ZNF880: variants seen among roughly 807,000 people sequenced by gnomAD.
ZNF880 encodes the protein zinc finger protein 880.
ZNF880 carries 12 observed loss-of-function variants against 11.8 expected under a neutral mutation model. The ratio of observed to expected loss-of-function variants is 1.02; its 90% CI spans 0.65 to 1.65. The LOEUF (loss-of-function observed/expected upper bound fraction) is 1.65. ZNF880 is among the 40% of genes most tolerant of loss of function. The pLI is 0.00. For synonymous variants in ZNF880, 210 were observed against 232.4 expected (o/e 0.90, Z 0.88); for missense variants, 601 against 673.9 (o/e 0.89, Z 1.20).
At chr19:52,376,501 C>A (rs1158197854) in intron 3 of ZNF880, among the ~76,000 whole-genome samples, 3 of 26,704 alleles carry the variant, frequency 1.1e-4, no homozygotes, top group Non-Finnish European at 2.5e-4. Context: ...GCACCGCCCC[C>A]CCCCCCCCTT....
Position 52,372,442 on chromosome 19 carries a change from T to C in ZNF880, c.13-669T>C, listed in dbSNP as rs1345119899. ...AACTGGGACTACAGGCGCCCGCCAC[T>C]ACGCCTGGCTAATTTTTTTGTATTT... On this transcript the variant is annotated intron_variant, in intron 1 of 3. Transcript: ENST00000422689. Among the ~76,000 whole-genome samples the C allele has an allele frequency of 3.5e-4, 52 of 148,594 alleles. No homozygotes were observed. In the East Asian group the frequency reaches 9.9e-3, roughly 28 times the overall value.
downstream of ZNF880, among the ~76,000 whole-genome samples, chr19:52,387,638 G>A (rs1361236832): frequency 1.4e-5 from 2 of 141,180 alleles, no homozygotes; most frequent in South Asian, 2.2e-4. Flanking sequence ...TATTAGAGAC[G>A]GGGTTTCACC....
the ZNF880 span, chr19:52,392,749 A>C: frequency 4.4e-6 from 1 of 228,744 alleles, no homozygotes; most frequent in Non-Finnish European, 1.0e-5. Context: ...ATAGCAAAAA[A>C]ATCCAGATGG....
chr19:52,371,850 A>G (rs1478967725), intron 1 of ZNF880, among the ~76,000 whole-genome samples: 1 of 152,084 alleles, frequency 6.6e-6, no homozygotes, highest in African/African-American at 2.4e-5. Flanking sequence ...AGCCGTTAGT[A>G]CATGTACAAC....
chr19:52,378,207 G>C (rs568714937), intron 3 of ZNF880, among the ~76,000 whole-genome samples: 2 of 152,262 alleles, frequency 1.3e-5, no homozygotes, highest in East Asian at 3.9e-4. Flanking sequence ...AGCCAACGAA[G>C]AGACCAATGT....
intron 3 of ZNF880, 148 bp from the exon 4 acceptor site, chr19:52,383,701 T>C: frequency 1.2e-6 from 1 of 867,910 alleles, no homozygotes; most frequent in Non-Finnish European, 1.8e-6. Flanking sequence ...CCGTCCCTTT[T>C]GTTTTCTGCA....
downstream of ZNF880, chr19:52,389,445 C>CCAATCTT (rs112074107): frequency 6.6e-6 from 1 of 152,152 alleles, no homozygotes; most frequent in Non-Finnish European, 1.5e-5. Context: ...GCAGGGCAGT[C>CCAATCTT]AAAGCTCCAA....
chr19:52,374,064 TTTA>T (rs1375413688), intron 2 of ZNF880, among the ~76,000 whole-genome samples: 2 of 151,780 alleles, frequency 1.3e-5, no homozygotes, highest in African/African-American at 4.8e-5. Flanking sequence ...ATTCTTTCTT[TTTA>T]TTATTATTAT....
chr19:52,368,018 G>C (rs1036023198), upstream of ZNF880, among the ~76,000 whole-genome samples: 2 of 151,270 alleles, frequency 1.3e-5, no homozygotes, highest in Non-Finnish European at 2.9e-5. Context: ...GGTCAACATG[G>C]TGAAACCTTG....
intron 3 of ZNF880, among the ~76,000 whole-genome samples, chr19:52,376,650 C>T (rs1408591562): frequency 6.6e-6 from 1 of 151,656 alleles, no homozygotes; most frequent in Non-Finnish European, 1.5e-5. Flanking sequence ...GCTGGGATTA[C>T]AGGTACCCAC....
intron 3 of ZNF880, among the ~76,000 whole-genome samples, chr19:52,378,108 T>G (rs1986606042): frequency 6.6e-6 from 1 of 152,124 alleles, no homozygotes; most frequent in Non-Finnish European, 1.5e-5. Flanking sequence ...ATCAGCCCAG[T>G]CCAGGGAACC....
At chr19:52,393,734 GTC>G in the ZNF880 span, among the ~76,000 whole-genome samples, 69,635 of 151,280 alleles carry the variant, frequency 0.46, 16,240 homozygotes, top group Middle Eastern at 0.55. Flanking sequence ...TATGGTATAT[GTC>G]TCTATTTGCT....
chr19:52,373,602 C>T (rs1181340253), intron 2 of ZNF880, among the ~76,000 whole-genome samples: 1 of 150,440 alleles, frequency 6.6e-6, no homozygotes, highest in Non-Finnish European at 1.5e-5. Flanking sequence ...AGCTTGATGT[C>T]TGCATGTTAC....
upstream of ZNF880, chr19:52,369,804 G>A: frequency 5.2e-6 from 4 of 771,358 alleles, no homozygotes; most frequent in Non-Finnish European, 8.7e-6. Context: ...AGTTCTTCCA[G>A]TCTCCACGGC....
chr19:52,382,618 G>A (rs1402323176), intron 3 of ZNF880, among the ~76,000 whole-genome samples: 2 of 152,000 alleles, frequency 1.3e-5, no homozygotes, highest in African/African-American at 4.8e-5. Flanking sequence ...CTGCCTTCTA[G>A]CCTGCAAAGT....
At chr19:52,396,121 ATTTTTT>A in the ZNF880 span, among the ~76,000 whole-genome samples, 377 of 120,616 alleles carry the variant, frequency 3.1e-3, no homozygotes, top group Admixed American at 5.1e-3. Context: ...TGCCTGGCTA[ATTTTTT>A]TTTTTTTTTT....
In ZNF880 at chr19:52,384,183, C is replaced by A. The variant is rs1986786496; in HGVS notation, c.603C>A (p.Asn201Lys). 6.2e-7 allele frequency: 1 copy of A among 1,610,588 alleles called. No individual in the cohort carries two copies. Among genetic ancestry groups the A allele is most frequent in the Non-Finnish European group, 8.5e-7 (1 of 1,178,146 alleles). ...TTAGAGTGTCTTCAAGACTTGCTAA[C>A]AATCAAGTAATCCACACTGCAGATA... is the stretch of plus-strand genomic sequence containing the variant. ...KAFRVSSRLA[N>K]NQVIHTADNP... Residue 201 changes from asparagine to lysine, a missense_variant, in exon 4 of 4, where the codon AAC becomes AAA. Around this residue, in one of 3 missense-constraint regions of ZNF880, gnomAD observed 420 missense variants for 442.6 expected, o/e 0.95. Transcript: ENST00000422689.
At chr19:52,383,791 A>G (rs1331840881) in intron 3 of ZNF880, 58 bp from the exon 4 acceptor site, 4 of 1,466,442 alleles carry the variant, frequency 2.7e-6, no homozygotes, top group African/African-American at 1.4e-5. Flanking sequence ...TCTCTCTGTC[A>G]GACACTGAAC....
chr19:52,391,988 A>G, the ZNF880 span, among the ~76,000 whole-genome samples: 1 of 152,218 alleles, frequency 6.6e-6, no homozygotes, highest in African/African-American at 2.4e-5. Flanking sequence ...TTCATCAGAT[A>G]AAAACTGGGT....
Sources: allele counts gnomAD v4.1 joint callset (sites outside exome capture counted in the v4.1 genomes callset), GRCh38; gene constraint gnomAD v4.1.1; regional missense constraint gnomAD v4.1.1; transcripts MANE v1.5; gene names NCBI Gene and HGNC (gene_info 2026-07-23, HGNC 2026-07-21).